GALNT13: variants seen among roughly 807,000 people sequenced by gnomAD.
GALNT13 encodes the protein UDP-GalNAc:polypeptide N-acetylgalactosaminyltransferase 13.
A neutral mutation model predicts 64.2 loss-of-function variants in GALNT13; 28 were observed. The observed-to-expected ratio is 0.44, with a 90% CI of 0.32 to 0.60. The LOEUF (loss-of-function observed/expected upper bound fraction) is 0.60, where lower values mean the gene tolerates loss of function less well. GALNT13 is among the 20% of genes least tolerant of loss of function. The probability of loss-of-function intolerance (pLI) is 0.05; values close to 1 mark genes in which losing one functional copy is unlikely to be tolerated. For missense variants in GALNT13, 577 were observed against 669.8 expected (o/e 0.86, Z 1.53); for synonymous variants, 214 against 224.6 (o/e 0.95, Z 0.42).
the GALNT13 span, among the ~76,000 whole-genome samples, chr2:153,273,504 A>G: frequency 2.0e-5 from 3 of 152,226 alleles, no homozygotes; most frequent in South Asian, 6.2e-4. Flanking sequence ...ATGGCCATTA[A>G]TAATGGCTGG....
intron 3 of GALNT13, among the ~76,000 whole-genome samples, chr2:153,996,196 A>G (rs2120767): frequency 0.77 from 116,540 of 152,088 alleles, 45,051 homozygotes; most frequent in East Asian, 0.96. Context: ...ATACCCAGTA[A>G]TGAAATTGCT....
chr2:153,980,699 C>G (rs1173206735), intron 3 of GALNT13, among the ~76,000 whole-genome samples: 1 of 151,994 alleles, frequency 6.6e-6, no homozygotes, highest in Non-Finnish European at 1.5e-5. Flanking sequence ...ATTGAAAATT[C>G]TTATTTTAAG....
chr2:154,169,110 C>T (rs1685205278), intron 4 of GALNT13, among the ~76,000 whole-genome samples: 1 of 152,058 alleles, frequency 6.6e-6, no homozygotes, highest in African/African-American at 2.4e-5. Context: ...AACACTCCCT[C>T]ACTCCCCGCT....
intron 3 of GALNT13, among the ~76,000 whole-genome samples, chr2:153,981,970 T>C (rs888281348): frequency 2.6e-5 from 4 of 151,992 alleles, no homozygotes; most frequent in South Asian, 2.1e-4. Context: ...CATTAGTGAG[T>C]AGTCTTGTCC....
the GALNT13 span, among the ~76,000 whole-genome samples, chr2:153,075,554 C>T: frequency 6.6e-6 from 1 of 152,050 alleles, no homozygotes; most frequent in African/African-American, 2.4e-5. Context: ...TAGGATTGAG[C>T]AACTAAATAA....
At chr2:154,329,035 C>G (rs1279010365) in intron 9 of GALNT13, among the ~76,000 whole-genome samples, 1 of 152,066 alleles carries the variant, frequency 6.6e-6, no homozygotes, top group South Asian at 2.1e-4. Flanking sequence ...ATTCTATATA[C>G]TTTGTACTAC....
the GALNT13 span, among the ~76,000 whole-genome samples, chr2:153,470,019 T>C: frequency 1.3e-5 from 2 of 152,042 alleles, no homozygotes; most frequent in Non-Finnish European, 1.5e-5. Flanking sequence ...ATTATAAAAG[T>C]CTTTTTTCTT....
At chr2:154,018,247 T>C (rs577450506) in intron 3 of GALNT13, among the ~76,000 whole-genome samples, 1 of 152,298 alleles carries the variant, frequency 6.6e-6, no homozygotes, top group South Asian at 2.1e-4. Context: ...CAATTGCTAT[T>C]TATTGTCAGG....
chr2:154,290,220 T>C (rs1692522240), intron 8 of GALNT13, among the ~76,000 whole-genome samples: 1 of 152,192 alleles, frequency 6.6e-6, no homozygotes, highest in South Asian at 2.1e-4. Flanking sequence ...AGGGGAAGAA[T>C]GTAGTCCAGA....
chr2:153,827,652 G>A, the GALNT13 span, among the ~76,000 whole-genome samples: 1 of 150,674 alleles, frequency 6.6e-6, no homozygotes, highest in Non-Finnish European at 1.5e-5. Context: ...AACGATTTGG[G>A]TGGGAACACA....
intron 3 of GALNT13, among the ~76,000 whole-genome samples, chr2:154,013,642 G>T (rs1231597152): frequency 6.6e-6 from 1 of 152,102 alleles, no homozygotes; most frequent in Non-Finnish European, 1.5e-5. Context: ...CGAGGTTCTG[G>T]AATCTGTGCA....
chr2:154,084,539 A>G (rs1196184927), intron 3 of GALNT13, among the ~76,000 whole-genome samples: 1 of 151,888 alleles, frequency 6.6e-6, no homozygotes, highest in African/African-American at 2.4e-5. Flanking sequence ...TTTATACTGT[A>G]AAACTGCTTA....
At chr2:153,949,927 T>C (rs1183323008) in intron 3 of GALNT13, among the ~76,000 whole-genome samples, 2 of 151,846 alleles carry the variant, frequency 1.3e-5, no homozygotes, top group Non-Finnish European at 1.5e-5. Flanking sequence ...AGAGATGAAA[T>C]TGGATGCCTA....
the GALNT13 span, among the ~76,000 whole-genome samples, chr2:153,448,999 T>A: frequency 1.3e-5 from 2 of 152,152 alleles, no homozygotes. Flanking sequence ...TTTCTGTCTC[T>A]CTCTCCCTGT....
At chr2:154,253,281 G>A (rs557772570) in intron 7 of GALNT13, among the ~76,000 whole-genome samples, 89 of 152,036 alleles carry the variant, frequency 5.9e-4, no homozygotes, top group Non-Finnish European at 1.1e-3. Flanking sequence ...CCTCTATACA[G>A]GGTGATTATC....
the GALNT13 span, among the ~76,000 whole-genome samples, chr2:153,628,394 T>C: frequency 1.5e-4 from 23 of 151,828 alleles, no homozygotes; most frequent in East Asian, 3.3e-3. Flanking sequence ...TGAATAGGAG[T>C]GGTGAGAGAG....
At chr2:153,478,640 C>G in the GALNT13 span, 2 of 1,217,712 alleles carry the variant, frequency 1.6e-6, no homozygotes, top group Non-Finnish European at 2.3e-6. Context: ...GGAACAGGTG[C>G]CGGGCTGAGC....
At chr2:154,200,117 T>C (rs970743126) in intron 4 of GALNT13, among the ~76,000 whole-genome samples, 1 of 152,112 alleles carries the variant, frequency 6.6e-6, no homozygotes, top group Non-Finnish European at 1.5e-5. Flanking sequence ...CTACAAATTG[T>C]TATCCCTGTA....
intron 4 of GALNT13, among the ~76,000 whole-genome samples, chr2:154,205,155 T>C (rs1559023580): frequency 6.6e-6 from 1 of 152,214 alleles, no homozygotes. Context: ...GTAAAGACTT[T>C]ATATTACTTA....
Sources: gnomAD v4.1 joint callset for allele counts (sites outside exome capture counted in the v4.1 genomes callset) on GRCh38, gnomAD v4.1.1 for gene constraint, MANE v1.5 for transcripts, NCBI Gene and HGNC (gene_info 2026-07-23, HGNC 2026-07-21) for gene names.